The following COLEC11 variants were observed in gnomAD, a reference collection of about 807,000 sequenced individuals.
COLEC11 encodes the protein collectin subfamily member 11, also known as collectin-11.
Under a neutral mutation model 27.3 loss-of-function variants are expected in COLEC11, and 20 were observed. That is an observed-to-expected ratio of 0.73 (90% confidence interval 0.51 to 1.06). The LOEUF (loss-of-function observed/expected upper bound fraction) is 1.06. Among genes scored for constraint, COLEC11 ranks in the 50% least tolerant of loss-of-function variants. The pLI is 0.00. For missense variants in COLEC11, 310 were observed against 383.0 expected, an observed-to-expected ratio of 0.81 and a Z score of 1.59; for synonymous variants, 163 against 154.7, an observed-to-expected ratio of 1.05 and a Z score of -0.40.
intron 3 of COLEC11, among the ~76,000 whole-genome samples, chr2:3,632,194 A>G (rs11695992): frequency 0.3 from 45,100 of 152,048 alleles, 9,739 homozygotes; most frequent in African/African-American, 0.61. Flanking sequence ...TGGAGCACTG[A>G]GATTTGGGGC....
intron 3 of COLEC11, among the ~76,000 whole-genome samples, chr2:3,619,625 G>A (rs930997899): frequency 3.3e-5 from 5 of 152,180 alleles, no homozygotes; most frequent in Non-Finnish European, 7.3e-5. Context: ...TGATCATGGT[G>A]TATAATACTT....
Position 3,644,556 on chromosome 2 carries a change from T to C in COLEC11, c.*438T>C, listed in dbSNP as rs963461010. 1 of 428,952 alleles carries C rather than the reference T, an allele frequency of 2.3e-6. No individual in the cohort carries two copies. The highest frequency in any genetic ancestry group is 4.6e-6 in the Non-Finnish European group (1 of 216,754). 26.6% of individuals were successfully genotyped at this position (428,952 alleles called of 1,614,324 possible). On this transcript the variant is annotated 3_prime_UTR_variant, in exon 7 of 7. Transcript: ENST00000349077. Reference sequence around the variant, plus strand: ...CTGTAAATTACATTACAATATAGGTTCCTTCACACTATTATCCATGTAAAA... The same window carrying C: ...CTGTAAATTACATTACAATATAGGTCCCTTCACACTATTATCCATGTAAAA...
intron 2 of COLEC11, among the ~76,000 whole-genome samples, chr2:3,608,889 G>T (rs1558491855): frequency 6.6e-6 from 1 of 152,164 alleles, no homozygotes; most frequent in Non-Finnish European, 1.5e-5. Flanking sequence ...ACTTTTTCTC[G>T]TGACAACCAG....
intron 2 of COLEC11, among the ~76,000 whole-genome samples, chr2:3,606,700 C>T (rs12988630): frequency 0.34 from 51,880 of 152,126 alleles, 11,126 homozygotes; most frequent in South Asian, 0.59. Context: ...CCCGCGAGTC[C>T]GCAAGCGAGA....
At chr2:3,615,160 T>C (rs1288300436) in intron 3 of COLEC11, among the ~76,000 whole-genome samples, 1 of 152,088 alleles carries the variant, frequency 6.6e-6, no homozygotes, top group Admixed American at 6.5e-5. Context: ...TTAGTATTTA[T>C]TGATCACTCT....
At chr2:3,638,614 CT>C (rs764272721) in intron 4 of COLEC11, among the ~76,000 whole-genome samples, 1 of 152,136 alleles carries the variant, frequency 6.6e-6, no homozygotes, top group Non-Finnish European at 1.5e-5. Flanking sequence ...AGACCTCCCC[CT>C]AGCCCAGCCT....
intron 2 of COLEC11, among the ~76,000 whole-genome samples, chr2:3,607,927 C>T (rs1045461713): frequency 1.3e-5 from 2 of 152,226 alleles, no homozygotes; most frequent in Admixed American, 1.3e-4. Context: ...TGGCTTTCTC[C>T]TCTCTGACTT....
rs1390551850 is a variant in COLEC11, at chr2:3,625,985, A to G, written c.203-11548A>G. The G allele has an allele frequency of 5.1e-6, 8 of 1,582,098 alleles. No homozygotes were observed. In the African/African-American group the frequency reaches 5.4e-5, roughly 11 times the overall value. ...ATTATCTGAGTTGTCAGGCAGGGAT[A>G]GTCATAACATTGTATTTACTTTTTC... On this transcript the variant is annotated intron_variant, in intron 3 of 6. Transcript: ENST00000349077.
At chr2:3,606,037 T>C (rs2147861030) in intron 2 of COLEC11, 1 of 1,539,346 alleles carries the variant, frequency 6.5e-7, no homozygotes. Context: ...AACTGTTGGA[T>C]GCCTACGGCT....
chr2:3,600,947 T>C (rs529002112), intron 1 of COLEC11, among the ~76,000 whole-genome samples: 20 of 152,348 alleles, frequency 1.3e-4, no homozygotes, highest in Middle Eastern at 3.4e-3. Flanking sequence ...CCGTGATGGC[T>C]GTGTCACTGC....
intron 3 of COLEC11, among the ~76,000 whole-genome samples, chr2:3,627,634 G>A (rs1197132597): frequency 6.7e-6 from 1 of 150,360 alleles, no homozygotes; most frequent in Non-Finnish European, 1.5e-5. Context: ...ACGATGATGG[G>A]GTGGATCTGG....
Position 3,637,683 on chromosome 2 carries a change from C to A in COLEC11, c.274+79C>A, listed in dbSNP as rs1040274851. 3.6e-6 allele frequency: 4 copies of A among 1,115,636 alleles called. No homozygotes were observed. The African/African-American group carries it at 4.6e-5, about 13-fold the overall frequency. 69.1% of individuals were successfully genotyped at this position (1,115,636 alleles called of 1,614,324 possible). On this transcript the variant is annotated intron_variant, in intron 4 of 6. Coordinates refer to ENST00000349077, the MANE Select transcript of COLEC11 (RefSeq NM_024027.5). ...CTGGATACCCTGAGAATAATTGTAG[C>A]CTGAATTGTCTCGTCTGGTGCTCTT... is the stretch of plus-strand genomic sequence containing the variant.
At chr2:3,637,988 C>T (rs1012399549) in intron 4 of COLEC11, among the ~76,000 whole-genome samples, 1 of 152,216 alleles carries the variant, frequency 6.6e-6, no homozygotes, top group Non-Finnish European at 1.5e-5. Flanking sequence ...TCTGTTCCCC[C>T]AGCTCAGGTC....
chr2:3,619,908 G>A (rs1015935807), intron 3 of COLEC11, among the ~76,000 whole-genome samples: 1 of 152,204 alleles, frequency 6.6e-6, no homozygotes, highest in Non-Finnish European at 1.5e-5. Flanking sequence ...TTACAAGCAT[G>A]AGCCACCGCT....
At position 3,628,555 on chromosome 2, in the gene COLEC11, T is replaced by C. The variant is rs540181703; in HGVS notation, c.203-8978T>C. Among the ~76,000 whole-genome samples, 4 of 152,330 alleles carry C rather than the reference T, an allele frequency of 2.6e-5. No individual in the cohort carries two copies. The South Asian group carries it at 8.3e-4, about 32-fold the overall frequency. On this transcript the variant is annotated intron_variant, in intron 3 of 6. Coordinates refer to ENST00000349077, the MANE Select transcript of COLEC11 (RefSeq NM_024027.5). ...GACCTGGCTGCAGTGGGGGCTGCCC[T>C]GAACAGGCTGGCTGGGTGTGCGCTG...
intron 3 of COLEC11, among the ~76,000 whole-genome samples, chr2:3,619,501 C>T (rs1263873009): frequency 7.2e-5 from 11 of 152,168 alleles, no homozygotes; most frequent in African/African-American, 1.4e-4. Flanking sequence ...TTTTGTCAAA[C>T]GTTCTTTCAG....
chr2:3,604,012 C>T (rs536798740), intron 1 of COLEC11: 89 of 567,628 alleles, frequency 1.6e-4, no homozygotes, highest in African/African-American at 1.4e-3. Context: ...GTGTAGGAAT[C>T]GTTTGTCCCA....
chr2:3,612,242 A>G (rs1663258065), intron 2 of COLEC11, among the ~76,000 whole-genome samples: 1 of 152,050 alleles, frequency 6.6e-6, no homozygotes, highest in Admixed American at 6.5e-5. Flanking sequence ...GCACCCACGC[A>G]CCCACGCACA....
intron 3 of COLEC11, among the ~76,000 whole-genome samples, chr2:3,630,457 G>A (rs756055488): frequency 2.0e-5 from 3 of 152,140 alleles, no homozygotes; most frequent in Non-Finnish European, 2.9e-5. Context: ...AAGAACTGAG[G>A]GTTCCTCATG....
Sources: allele counts gnomAD v4.1 joint callset (sites outside exome capture counted in the v4.1 genomes callset), GRCh38; gene constraint gnomAD v4.1.1; transcripts MANE v1.5; gene names NCBI Gene and HGNC (gene_info 2026-07-23, HGNC 2026-07-21).